UGT3A1: variants seen among roughly 807,000 people sequenced by gnomAD.
The protein encoded by UGT3A1 is UDP glycosyltransferase family 3 member A1.
In UGT3A1, 40 loss-of-function variants were observed where a neutral mutation model predicts 37.6. The observed-to-expected ratio is 1.06, with a 90% CI of 0.83 to 1.38. UGT3A1 has a LOEUF of 1.38. Ranked by LOEUF, UGT3A1 falls within the 40% of genes most tolerant of loss-of-function variation. UGT3A1 has a pLI of 0.00. For synonymous variants in UGT3A1, 256 were observed against 232.3 expected, an observed-to-expected ratio of 1.10 and a Z score of -0.93; for missense variants, 642 against 634.2, an observed-to-expected ratio of 1.01 and a Z score of -0.13.
intron 6 of UGT3A1, chr5:35,955,252 TGAAGA>T (rs1458858163): frequency 1.8e-5 from 6 of 328,096 alleles, no homozygotes; most frequent in Non-Finnish European, 3.3e-5. Context: ...GCCAGTCCTG[TGAAGA>T]GAAGGGAAGG....
In UGT3A1 at chr5:35,955,807, G is replaced by T. The variant is rs1159826274; in HGVS notation, c.1133C>A (p.Ala378Asp). 6.2e-7 allele frequency: 1 copy of T among 1,614,192 alleles called. No individual in the cohort carries two copies. The highest frequency in any genetic ancestry group is 8.5e-7 in the Non-Finnish European group (1 of 1,180,042). ...THGGQNSVME[A>D]IRHGVPMVGL... ...CACCATGGGCACACCATGACGGATG[G>T]CCTCCATTACGCTGTTCTGCCCACC... The change falls in exon 6 of 7, where the codon GCC becomes GAC. Residue 378 changes from alanine to aspartate, a missense_variant. Ala to Asp is a moderately radical substitution (Grantham distance 126). Transcript: ENST00000274278.
chr5:36,000,805 G>C (rs888098589), intron 1 of UGT3A1, among the ~76,000 whole-genome samples: 1 of 152,200 alleles, frequency 6.6e-6, no homozygotes, highest in East Asian at 1.9e-4. Flanking sequence ...TAAACTATCT[G>C]ATTTAATATC....
intron 6 of UGT3A1, 115 bp from the exon 7 acceptor site, chr5:35,954,593 A>C: frequency 7.6e-7 from 1 of 1,323,070 alleles, no homozygotes; most frequent in Non-Finnish European, 1.0e-6. Flanking sequence ...ACATGCACCA[A>C]GGCTGGGCTG....
upstream of UGT3A1, among the ~76,000 whole-genome samples, chr5:35,992,071 T>C (rs777026362): frequency 3.3e-5 from 5 of 152,192 alleles, no homozygotes; most frequent in African/African-American, 7.2e-5. Context: ...CTTTGTACTC[T>C]CTATCCTCAA....
intron 4 of UGT3A1, among the ~76,000 whole-genome samples, chr5:35,958,750 A>G (rs902679672): frequency 6.6e-6 from 1 of 152,264 alleles, no homozygotes; most frequent in Non-Finnish European, 1.5e-5. Flanking sequence ...GGAGTGGCAG[A>G]CCACAGTCCA....
chr5:35,985,079 T>TAAAAA (rs59401195), intron 2 of UGT3A1, among the ~76,000 whole-genome samples: 2,295 of 115,872 alleles, frequency 0.02, 47 homozygotes, highest in African/African-American at 0.051. Context: ...ACATAAAATA[T>TAAAAA]AAAAAAAAAA....
intron 4 of UGT3A1, among the ~76,000 whole-genome samples, chr5:35,958,945 G>A (rs1225218871): frequency 6.6e-6 from 1 of 152,212 alleles, no homozygotes. Flanking sequence ...GAAAGCAGTG[G>A]TAGGTACCAT....
chr5:35,963,027 A>C (rs569818911), intron 4 of UGT3A1: 6 of 682,516 alleles, frequency 8.8e-6, no homozygotes, highest in Non-Finnish European at 1.6e-5. Context: ...TGAGGGAGAG[A>C]GAAAGCAAGG....
In UGT3A1 at chr5:35,966,159, C is replaced by T. The variant is rs1367820570; in HGVS notation, c.312-242G>A. On this transcript the variant is annotated intron_variant, in intron 3 of 6. Transcript: ENST00000274278. ...TCTTCCCCTGATCCAATTCCCACCA[C>T]CATCAATGCCAATTCAACGTCCTAC... 2.6e-5 allele frequency among the ~76,000 whole-genome samples: 4 copies of T among 152,332 alleles called. No homozygotes were observed. The East Asian group carries it at 7.7e-4, about 29-fold the overall frequency.
rs1471908893 is a variant in UGT3A1 at position 35,954,541 on chromosome 5, A to G, written c.1296-63T>C. The stretch of plus-strand genomic sequence containing the variant: ...GCCTCACAAGTCTTACAGACTTTGT[A>G]TTGCATGAGCACACACACAAGCATA... On this transcript the variant is annotated intron_variant, in intron 6 of 6. Transcript: ENST00000274278. 4.5e-6 allele frequency: 7 copies of G among 1,568,308 alleles called. 1 individual carries two copies. The East Asian group carries it at 1.4e-4, about 30-fold the overall frequency.
chr5:35,963,933 T>C (rs1159240914), intron 4 of UGT3A1, among the ~76,000 whole-genome samples: 3 of 152,202 alleles, frequency 2.0e-5, no homozygotes, highest in Non-Finnish European at 4.4e-5. Flanking sequence ...ATCGCACCTT[T>C]AGTGGCTGAG....
chr5:35,955,724 A>G lies in UGT3A1; in HGVS notation c.1216T>C (p.Tyr406His). The change falls in exon 6 of 7, where the codon TAT becomes CAT. Residue 406 changes from tyrosine to histidine, a missense_variant. By Grantham distance (83) the Tyr-to-His change is moderately conservative. Coordinates refer to ENST00000274278, the MANE Select transcript of UGT3A1 (RefSeq NM_152404.4). The stretch of plus-strand genomic sequence containing the variant: ...TGATTCAACCGGATAGAGACACCAT[A>G]ATTTTTGGCTACTACTCGGACCATG... ...GNMVRVVAKN[Y>H]GVSIRLNQVT... is the part of the protein sequence containing the mutation. The G allele has an allele frequency of 6.2e-7, 1 of 1,614,166 alleles. No homozygotes were observed. The highest frequency in any genetic ancestry group is 1.1e-5 in the South Asian group (1 of 91,076).
chr5:35,973,251 A>G (rs767347721), intron 2 of UGT3A1, among the ~76,000 whole-genome samples: 6 of 152,186 alleles, frequency 3.9e-5, no homozygotes, highest in Non-Finnish European at 5.9e-5. Context: ...TTTAGATTCA[A>G]AAATAGACTC....
Position 35,975,450 on chromosome 5 carries a change from T to TTTCCC in UGT3A1, c.197-7322_197-7318dup, listed in dbSNP as rs543142384. The stretch of plus-strand genomic sequence containing the variant: ...GCCACTTACTCTGGATTTGACTTGC[T>TTTCCC]TTCCCTTCATGCAATGCTTCCACCA... On this transcript the variant is annotated intron_variant, in intron 2 of 6. Coordinates refer to ENST00000274278, the MANE Select transcript of UGT3A1 (RefSeq NM_152404.4). 3.3e-3 allele frequency among the ~76,000 whole-genome samples: 509 copies of TTTCCC among 152,320 alleles called. 3 individuals carry two copies. Among genetic ancestry groups the TTTCCC allele is most frequent in the South Asian group, 0.011 (55 of 4,824 alleles).
At chr5:35,974,085 C>A (rs981110101) in intron 2 of UGT3A1, among the ~76,000 whole-genome samples, 1 of 152,142 alleles carries the variant, frequency 6.6e-6, no homozygotes, top group Non-Finnish European at 1.5e-5. Context: ...CAAGAGGAGG[C>A]AAAGTACCTT....
At chr5:35,981,188 G>A (rs1310829496) in intron 2 of UGT3A1, among the ~76,000 whole-genome samples, 3 of 152,126 alleles carry the variant, frequency 2.0e-5, no homozygotes, top group African/African-American at 7.2e-5. Context: ...AAGAAAAAGA[G>A]GCCTTCTGGT....
rs1272122939 is a variant in UGT3A1 at position 35,952,425 on chromosome 5, TG to T, written c.*1776del. The T allele has an allele frequency of 3.9e-5, 6 of 152,234 alleles. No homozygotes were observed. The highest frequency in any genetic ancestry group is 8.8e-5 in the Non-Finnish European group (6 of 68,062). 9.4% of individuals were successfully genotyped at this position (152,234 alleles called of 1,614,324 possible). A position where few individuals can be genotyped will look rare whatever the true frequency, so the allele number is the denominator to read the frequency against. The stretch of plus-strand genomic sequence containing the variant: ...GTTGTCAGAGCCATGCTTGCAGCCC[TG>T]TGGAGGGTGCTTGGACAGAGCAAGA... On this transcript the variant is annotated 3_prime_UTR_variant, in exon 7 of 7. Transcript: ENST00000274278.
intron 4 of UGT3A1, chr5:35,962,969 A>G (rs1390182085): frequency 1.3e-5 from 9 of 702,376 alleles, no homozygotes; most frequent in Non-Finnish European, 2.3e-5. Context: ...ACAGGGAAAT[A>G]GAGGTGTCCC....
At chr5:35,987,959 T>A (rs1561472736) in intron 2 of UGT3A1, among the ~76,000 whole-genome samples, 1 of 152,212 alleles carries the variant, frequency 6.6e-6, no homozygotes, top group Non-Finnish European at 1.5e-5. Context: ...TAGCTACAAA[T>A]TTTTCAAGCA....
Sources: gnomAD v4.1 joint callset for allele counts (sites outside exome capture counted in the v4.1 genomes callset) on GRCh38, gnomAD v4.1.1 for gene constraint, MANE v1.5 for transcripts, NCBI Gene and HGNC (gene_info 2026-07-23, HGNC 2026-07-21) for gene names.